The following PLEKHG4B variants were observed in gnomAD, a reference collection of about 807,000 sequenced individuals.
PLEKHG4B encodes the protein pleckstrin homology and RhoGEF domain containing G4B.
Under a neutral mutation model 121.3 loss-of-function variants are expected in PLEKHG4B, and 111 were observed. That is an observed-to-expected ratio of 0.92 (90% confidence interval 0.78 to 1.07). The LOEUF (loss-of-function observed/expected upper bound fraction) is 1.07, where lower values mean the gene tolerates loss of function less well. Among genes scored for constraint, PLEKHG4B ranks in the 50% least tolerant of loss-of-function variants. PLEKHG4B has a pLI of 0.00. For missense variants in PLEKHG4B, 1,831 were observed against 1,757.8 expected, an observed-to-expected ratio of 1.04 and a Z score of -0.74; for synonymous variants, 738 against 725.0, an observed-to-expected ratio of 1.02 and a Z score of -0.29.
rs567595849 is a variant in PLEKHG4B, at chr5:110,710, A to T, written c.46-2541A>T. Among the ~76,000 whole-genome samples, 535 of 139,982 alleles carry T rather than the reference A, an allele frequency of 3.8e-3. 2 individuals carry two copies. Among genetic ancestry groups the T allele is most frequent in the Non-Finnish European group, 5.7e-3 (368 of 65,072 alleles). 91.8% of individuals were successfully genotyped at this position (139,982 alleles called of 152,430 possible). ...TGCAGCACACGTGCACACATACAAAATGCAACACGTGTGCACACACCAGCC... is the reference window on the plus strand; with the variant it reads ...TGCAGCACACGTGCACACATACAAATTGCAACACGTGTGCACACACCAGCC... On this transcript the variant is annotated intron_variant, in intron 1 of 19. Transcript: ENST00000637938.
intron 1 of PLEKHG4B, among the ~76,000 whole-genome samples, chr5:109,227 T>C (rs1248547606): frequency 1.3e-5 from 2 of 151,838 alleles, no homozygotes; most frequent in Non-Finnish European, 2.9e-5. Context: ...CCATCTCTAC[T>C]GAAAATAGCA....
intron 1 of PLEKHG4B, among the ~76,000 whole-genome samples, chr5:99,428 G>C (rs1733736788): frequency 1.3e-5 from 2 of 151,640 alleles, no homozygotes; most frequent in Non-Finnish European, 2.9e-5. Flanking sequence ...GCAATGTTTT[G>C]TAGTTTTCAG....
intron 2 of PLEKHG4B, among the ~76,000 whole-genome samples, chr5:125,795 A>G (rs1165225153): frequency 6.6e-6 from 1 of 152,218 alleles, no homozygotes; most frequent in Non-Finnish European, 1.5e-5. Context: ...GTCTAGTGGT[A>G]ACAAATCCCC....
chr5:154,129 C>T (rs956842779), intron 7 of PLEKHG4B, among the ~76,000 whole-genome samples: 1 of 152,100 alleles, frequency 6.6e-6, no homozygotes, highest in African/African-American at 2.4e-5. Flanking sequence ...CCTCAGCCTC[C>T]TGAGTAGCTG....
At chr5:181,706 C>A (rs781300878) in intron 19 of PLEKHG4B, 31 bp downstream of exon 19, 2 of 1,598,674 alleles carry the variant, frequency 1.3e-6, no homozygotes, top group Admixed American at 1.7e-5. Flanking sequence ...CCTCACTCAC[C>A]CTGCAGAGGG....
intron 6 of PLEKHG4B, 137 bp downstream of exon 6, chr5:145,057 A>G (rs1166631865): frequency 5.9e-6 from 4 of 678,266 alleles, no homozygotes. Context: ...GCCCCTGTGC[A>G]GAGCCACCTC....
At chr5:155,567 T>C in intron 9 of PLEKHG4B, 124 bp downstream of exon 9, 1 of 735,212 alleles carries the variant, frequency 1.4e-6, no homozygotes, top group South Asian at 1.7e-5. Flanking sequence ...CTTCAAATCC[T>C]TTTTCATTTG....
At chr5:99,739 C>T (rs1200058843) in intron 1 of PLEKHG4B, among the ~76,000 whole-genome samples, 1 of 152,022 alleles carries the variant, frequency 6.6e-6, no homozygotes, top group Non-Finnish European at 1.5e-5. Context: ...TGTTTGGTTA[C>T]TCAGACTAAA....
chr5:162,977 C>T lies in PLEKHG4B; in HGVS notation c.2905C>T (p.Pro969Ser), dbSNP rs1310927944. Residue 969 changes from proline to serine, a missense_variant, in exon 13 of 20, where the codon CCC becomes TCC. By Grantham distance (74) the Pro-to-Ser change is moderately conservative (BLOSUM62 -1). Coordinates refer to ENST00000637938, the MANE Select transcript of PLEKHG4B (RefSeq NM_052909.5). The part of the protein sequence containing the change: ...SEAAPDPSLP[P>S]LAQSPPKHER... ...GGCTGCCCCAGACCCCAGCTTACCG[C>T]CCCTTGCCCAGAGCCCCCCAAAGCA... 9 of 1,567,036 alleles carry T rather than the reference C, an allele frequency of 5.7e-6. No individual in the cohort carries two copies. The highest frequency in any genetic ancestry group is 1.4e-5 in the African/African-American group (1 of 73,870).
chr5:125,174 A>G (rs1444427672), intron 2 of PLEKHG4B, among the ~76,000 whole-genome samples: 4 of 152,162 alleles, frequency 2.6e-5, no homozygotes, highest in African/African-American at 7.2e-5. Flanking sequence ...TGGGTAACAC[A>G]TTTATGTTTA....
At chr5:121,619 G>A (rs750648888) in intron 2 of PLEKHG4B, among the ~76,000 whole-genome samples, 24 of 152,142 alleles carry the variant, frequency 1.6e-4, no homozygotes, top group Non-Finnish European at 3.4e-4. Flanking sequence ...GAGGAAGGAG[G>A]CAAACTGCAT....
chr5:121,470 C>T (rs936004411), intron 2 of PLEKHG4B, among the ~76,000 whole-genome samples: 2 of 151,896 alleles, frequency 1.3e-5, no homozygotes, highest in South Asian at 2.1e-4. Context: ...ATCAAGCAGT[C>T]GAAATGTGTA....
chr5:149,457 C>A (rs934232191), intron 6 of PLEKHG4B, among the ~76,000 whole-genome samples: 3 of 152,094 alleles, frequency 2.0e-5, no homozygotes, highest in Admixed American at 6.5e-5. Flanking sequence ...GGGAGGATCG[C>A]TTGAGCCCAG....
rs1472886060 is a variant in PLEKHG4B at position 182,373 on chromosome 5, G to A, written c.*50G>A. 2 of 1,515,324 alleles carry A rather than the reference G, an allele frequency of 1.3e-6. No homozygotes were observed. The highest frequency in any genetic ancestry group is 1.8e-6 in the Non-Finnish European group (2 of 1,129,800). The allele number at this position is 1,515,324 out of a possible 1,614,324, so 93.9% of individuals were successfully genotyped here. A position where few individuals can be genotyped will look rare whatever the true frequency, so the allele number is the denominator to read the frequency against. ...TCATGTGGCTAGAACAATACAGAGG[G>A]AGCAGCACGCCAGGCCTGATGACTC... On this transcript the variant is annotated 3_prime_UTR_variant, in exon 20 of 20. Coordinates refer to ENST00000637938, the MANE Select transcript of PLEKHG4B (RefSeq NM_052909.5).
chr5:171,030 T>C lies in PLEKHG4B; in HGVS notation c.3730-13T>C. Reference sequence around the variant, plus strand: ...TCACTCCCACAGCCAAGCAGTCGCCTCTGCTTTTCCAGGAAGAGCAGTTTG... The same window carrying C: ...TCACTCCCACAGCCAAGCAGTCGCCCCTGCTTTTCCAGGAAGAGCAGTTTG... On this transcript the variant is annotated splice_polypyrimidine_tract_variant and intron_variant, in intron 14 of 19. Transcript: ENST00000637938. The C allele has an allele frequency of 6.2e-7, 1 of 1,602,718 alleles. No homozygotes were observed. The highest frequency in any genetic ancestry group is 8.5e-7 in the Non-Finnish European group (1 of 1,173,304).
chr5:147,886 A>G (rs533881157), intron 6 of PLEKHG4B, among the ~76,000 whole-genome samples: 10 of 152,316 alleles, frequency 6.6e-5, no homozygotes, highest in Admixed American at 6.5e-4. Flanking sequence ...AAAGGATTAT[A>G]CACCCTGACC....
chr5:177,250 G>A (rs952208388), intron 18 of PLEKHG4B, among the ~76,000 whole-genome samples: 11 of 151,994 alleles, frequency 7.2e-5, no homozygotes, highest in South Asian at 2.1e-4. Flanking sequence ...TTTTTGTGCC[G>A]TATTTAGGAC....
intron 1 of PLEKHG4B, among the ~76,000 whole-genome samples, chr5:110,232 C>T (rs998467802): frequency 6.6e-6 from 1 of 150,580 alleles, no homozygotes; most frequent in African/African-American, 2.5e-5. Context: ...CATGCACACA[C>T]CGGCCACTCT....
At chr5:126,198 C>G (rs953887085) in intron 2 of PLEKHG4B, among the ~76,000 whole-genome samples, 3 of 152,188 alleles carry the variant, frequency 2.0e-5, no homozygotes, top group Admixed American at 1.3e-4. Flanking sequence ...CCTTTTTACT[C>G]TCCTTCTGGA....
Sources: allele counts gnomAD v4.1 joint callset (sites outside exome capture counted in the v4.1 genomes callset), GRCh38; gene constraint gnomAD v4.1.1; transcripts MANE v1.5; gene names NCBI Gene and HGNC (gene_info 2026-07-23, HGNC 2026-07-21).